The following HIP1 variants were observed in gnomAD, a reference collection of about 807,000 sequenced individuals.
HIP1 encodes huntingtin interacting protein 1.
HIP1 carries 65 observed loss-of-function variants against 147.6 expected under a neutral mutation model. That is an observed-to-expected ratio of 0.44 (90% CI 0.36 to 0.54). The LOEUF (loss-of-function observed/expected upper bound fraction) is 0.54, where lower values mean the gene tolerates loss of function less well. Among genes scored for constraint, HIP1 ranks in the 20% least tolerant of loss-of-function variants. HIP1 has a pLI of 0.00. For missense variants in HIP1, 1,061 were observed against 1,299.6 expected (o/e 0.82, Z 2.82); for synonymous variants, 479 against 504.0 (o/e 0.95, Z 0.67).
At chr7:75,728,718 T>C (rs1801729956) in intron 1 of HIP1, among the ~76,000 whole-genome samples, 1 of 151,632 alleles carries the variant, frequency 6.6e-6, no homozygotes, top group South Asian at 2.1e-4. Context: ...ATTTTTATTT[T>C]TTTTAATCTT....
At chr7:75,732,931 G>A (rs782555146) in intron 1 of HIP1, among the ~76,000 whole-genome samples, 1 of 152,120 alleles carries the variant, frequency 6.6e-6, no homozygotes, top group East Asian at 1.9e-4. Flanking sequence ...CAGGAGCCCC[G>A]CAGTGGCCAG....
At position 75,556,709 on chromosome 7, in the gene HIP1, C is replaced by T; in HGVS notation, c.1683+1G>A. On this transcript the variant is annotated splice_donor_variant, in intron 17 of 30. Coordinates refer to ENST00000336926, the MANE Select transcript of HIP1 (RefSeq NM_005338.7). LOFTEE classifies it high-confidence loss of function. ...TCCAAAAAAAAAAAGGAGGTATTTA[C>T]CTGGGCAGAAGTTTCCAGGCTGCCT... 1 of 1,595,494 alleles carries T rather than the reference C, an allele frequency of 6.3e-7. No individual in the cohort carries two copies. Among genetic ancestry groups the T allele is most frequent in the Non-Finnish European group, 8.6e-7 (1 of 1,164,814 alleles).
At chr7:75,669,755 T>C (rs1211677617) in intron 1 of HIP1, among the ~76,000 whole-genome samples, 2 of 152,196 alleles carry the variant, frequency 1.3e-5, no homozygotes, top group African/African-American at 4.8e-5. Context: ...CTTAGCATAA[T>C]GTTTTCAATG....
intron 7 of HIP1, among the ~76,000 whole-genome samples, chr7:75,576,853 A>G (rs1563215406): frequency 1.3e-5 from 2 of 152,254 alleles, no homozygotes. Flanking sequence ...GAATTCTACA[A>G]TGATGAAAAT....
At chr7:75,570,774 A>AG (rs1795599383) in intron 8 of HIP1, among the ~76,000 whole-genome samples, 1 of 152,006 alleles carries the variant, frequency 6.6e-6, no homozygotes, top group African/African-American at 2.4e-5. Flanking sequence ...TGGGAGGCCG[A>AG]GGCAGGAGGA....
chr7:75,604,108 T>C (rs1164994912), intron 1 of HIP1, among the ~76,000 whole-genome samples: 3 of 152,040 alleles, frequency 2.0e-5, no homozygotes, highest in African/African-American at 7.3e-5. Flanking sequence ...CCTGGCACCA[T>C]AGGCCAGGGG....
chr7:75,717,634 C>G (rs375060770), intron 1 of HIP1, among the ~76,000 whole-genome samples: 1 of 148,652 alleles, frequency 6.7e-6, no homozygotes, highest in Non-Finnish European at 1.5e-5. Context: ...GAGTTCAAGA[C>G]CAGCCTGGCC....
At chr7:75,557,601 A>C in intron 16 of HIP1, 53 bp downstream of exon 16, 13 of 1,245,106 alleles carry the variant, frequency 1.0e-5, no homozygotes, top group Non-Finnish European at 1.4e-5. Flanking sequence ...AGCCCCCGCC[A>C]CCAACTCAAC....
chr7:75,621,770 A>G (rs952517929), intron 1 of HIP1, among the ~76,000 whole-genome samples: 8 of 152,116 alleles, frequency 5.3e-5, no homozygotes, highest in Non-Finnish European at 1.0e-4. Context: ...AGCTGATGGG[A>G]TTATCTGATG....
At chr7:75,556,905 C>G in intron 16 of HIP1, 94 bp from the exon 17 acceptor site, 1 of 786,058 alleles carries the variant, frequency 1.3e-6, no homozygotes, top group Non-Finnish European at 2.2e-6. Flanking sequence ...AACAAGAGAT[C>G]TGTAAACTCT....
intron 1 of HIP1, among the ~76,000 whole-genome samples, chr7:75,664,116 A>C (rs1425434142): frequency 6.9e-6 from 1 of 145,622 alleles, no homozygotes; most frequent in African/African-American, 2.5e-5. Flanking sequence ...ACATGTATGC[A>C]TATATGCACA....
Position 75,536,536 on chromosome 7 carries a change from A to T in HIP1, c.*1636T>A, listed in dbSNP as rs1794090745. ...TTTTCCAAGATCAGAAGGTCACTTA[A>T]ATGCTGGGGTCCATCTAGAAGAGGA... is the stretch of plus-strand genomic sequence containing the variant. On this transcript the variant is annotated 3_prime_UTR_variant, in exon 31 of 31. Coordinates refer to ENST00000336926, the MANE Select transcript of HIP1 (RefSeq NM_005338.7). 4.3e-6 allele frequency: 1 copy of T among 230,682 alleles called. No individual in the cohort carries two copies. The highest frequency in any genetic ancestry group is 1.8e-4 in the South Asian group (1 of 5,512). 14.3% of individuals were successfully genotyped at this position (230,682 alleles called of 1,614,324 possible).
chr7:75,588,820 G>GA (rs1448586326), intron 4 of HIP1, among the ~76,000 whole-genome samples: 2 of 151,388 alleles, frequency 1.3e-5, no homozygotes, highest in Non-Finnish European at 2.9e-5. Context: ...AAGCAGATTT[G>GA]AAAAAAAATA....
intron 1 of HIP1, among the ~76,000 whole-genome samples, chr7:75,660,356 G>A (rs1027805809): frequency 2.6e-5 from 4 of 151,472 alleles, no homozygotes; most frequent in South Asian, 2.1e-4. Flanking sequence ...GCAAAAGCCC[G>A]TTTCTACTAA....
At chr7:75,591,650 T>C (rs1311675352) in intron 4 of HIP1, among the ~76,000 whole-genome samples, 2 of 146,198 alleles carry the variant, frequency 1.4e-5, no homozygotes, top group Non-Finnish European at 3.0e-5. Flanking sequence ...TTTGGGAGGC[T>C]GAGGTGGGAG....
chr7:75,584,128 AT>A (rs1224413365), intron 5 of HIP1, among the ~76,000 whole-genome samples: 1 of 146,636 alleles, frequency 6.8e-6, no homozygotes, highest in Non-Finnish European at 1.5e-5. Context: ...TGCCCGGCTA[AT>A]TTTTTTGTAT....
intron 8 of HIP1, among the ~76,000 whole-genome samples, chr7:75,571,283 T>TGGAAACAATGAAAAGTTTCCAGG (rs1391010906): frequency 2.0e-5 from 3 of 152,180 alleles, no homozygotes; most frequent in African/African-American, 7.2e-5. Flanking sequence ...ACAGAATACT[T>TGGAAACAATGAAAAGTTTCCAGG]GGAAACAATG....
chr7:75,664,762 A>G (rs1799504566), intron 1 of HIP1, among the ~76,000 whole-genome samples: 1 of 151,978 alleles, frequency 6.6e-6, no homozygotes, highest in African/African-American at 2.4e-5. Context: ...CTGGGATTAC[A>G]AGCATGCACC....
chr7:75,659,965 A>C (rs2117209124), intron 1 of HIP1, among the ~76,000 whole-genome samples: 1 of 151,584 alleles, frequency 6.6e-6, no homozygotes, highest in African/African-American at 2.4e-5. Flanking sequence ...GTCTCTACTA[A>C]AAATACAAAA....
Sources: allele counts gnomAD v4.1 joint callset (sites outside exome capture counted in the v4.1 genomes callset), GRCh38; gene constraint gnomAD v4.1.1; transcripts MANE v1.5; gene names NCBI Gene and HGNC (gene_info 2026-07-23, HGNC 2026-07-21).